The following AFF3 variants were observed in gnomAD, a reference collection of about 807,000 sequenced individuals.
The protein encoded by AFF3 is ALF transcription elongation factor 3.
In AFF3, 32 loss-of-function variants were observed where a neutral mutation model predicts 129.7. The ratio of observed to expected loss-of-function variants is 0.25; its 90% confidence interval spans 0.19 to 0.33. The LOEUF (loss-of-function observed/expected upper bound fraction) is 0.33, where lower values mean the gene tolerates loss of function less well. AFF3 is among the 10% of genes least tolerant of loss of function. The pLI is 1.00. For synonymous variants in AFF3, 644 were observed against 635.4 expected (o/e 1.01, Z -0.20); for missense variants, 1,373 against 1,592.0 (o/e 0.86, Z 2.34).
Position 99,946,473 on chromosome 2 carries a change from T to TAAAA in AFF3, c.873+60155_873+60158dup, listed in dbSNP as rs55672296. On this transcript the variant is annotated intron_variant, in intron 7 of 24. Transcript: ENST00000672756. ...TGGTTGACAGAGTGAGACGCCATCTTAAAAAAAAAAAAAAAAAAAAAAAAA... is the reference window on the plus strand; with the variant it reads ...TGGTTGACAGAGTGAGACGCCATCTTAAAAAAAAAAAAAAAAAAAAAAAAAAAAA... Among the ~76,000 whole-genome samples the TAAAA allele has an allele frequency of 8.9e-4, 45 of 50,492 alleles. 1 individual carries two copies. The highest frequency in any genetic ancestry group is 1.5e-3 in the Non-Finnish European group (40 of 26,834). 33.1% of individuals were successfully genotyped at this position (50,492 alleles called of 152,430 possible).
intron 7 of AFF3, among the ~76,000 whole-genome samples, chr2:99,934,576 C>T (rs1383843267): frequency 1.3e-5 from 2 of 152,150 alleles, no homozygotes; most frequent in African/African-American, 4.8e-5. Context: ...CCCACAAAAC[C>T]TCTAACTACA....
intron 4 of AFF3, among the ~76,000 whole-genome samples, chr2:100,069,282 A>G (rs544594546): frequency 4.6e-5 from 7 of 152,174 alleles, no homozygotes; most frequent in Non-Finnish European, 8.8e-5. Context: ...ACTTAACTCT[A>G]AAGATAATCA....
chr2:99,980,696 G>A (rs1490327053), intron 7 of AFF3, among the ~76,000 whole-genome samples: 2 of 152,168 alleles, frequency 1.3e-5, no homozygotes, highest in African/African-American at 2.4e-5. Context: ...TTCAGTCACT[G>A]TATTGTATTT....
chr2:100,021,350 C>A lies in AFF3; in HGVS notation c.54-12418G>T, dbSNP rs115219864. Among the ~76,000 whole-genome samples, 1,517 of 152,312 alleles carry A rather than the reference C, an allele frequency of 1.0e-2. 7 individuals carry two copies. The highest frequency in any genetic ancestry group is 0.014 in the Middle Eastern group (4 of 294). ...CGCAACCTGGTTCTCCTTTTACACACTGGCACAGAGTGGGCACTGAATAAA... is the reference window on the plus strand; with the variant it reads ...CGCAACCTGGTTCTCCTTTTACACAATGGCACAGAGTGGGCACTGAATAAA... On this transcript the variant is annotated intron_variant, in intron 4 of 24. Coordinates refer to ENST00000672756, the MANE Select transcript of AFF3 (RefSeq NM_001386135.1).
chr2:99,658,702 G>C (rs1685972397), intron 12 of AFF3, among the ~76,000 whole-genome samples: 1 of 152,186 alleles, frequency 6.6e-6, no homozygotes, highest in Non-Finnish European at 1.5e-5. Context: ...TGGTCTCAGA[G>C]CCAGTAAGTA....
At chr2:100,106,334 G>C (rs1330554147) in intron 2 of AFF3, 2 of 1,156,744 alleles carry the variant, frequency 1.7e-6, no homozygotes, top group Non-Finnish European at 1.1e-6. Flanking sequence ...GTAGCAAGTA[G>C]CAAGAAGATT....
intron 12 of AFF3, among the ~76,000 whole-genome samples, chr2:99,670,640 A>G (rs143869388): frequency 6.6e-6 from 1 of 152,154 alleles, no homozygotes; most frequent in African/African-American, 2.4e-5. Flanking sequence ...GTCTTGTTTA[A>G]AAGTATGGGA....
chr2:99,662,947 C>G (rs942183013), intron 12 of AFF3, among the ~76,000 whole-genome samples: 1 of 152,178 alleles, frequency 6.6e-6, no homozygotes, highest in South Asian at 2.1e-4. Context: ...CAGATTGACT[C>G]TGTGGGTAAT....
intron 13 of AFF3, among the ~76,000 whole-genome samples, chr2:99,617,963 T>G (rs964627542): frequency 1.3e-5 from 2 of 152,096 alleles, no homozygotes; most frequent in Admixed American, 6.6e-5. Flanking sequence ...AGTGAAACTT[T>G]CCCAACAAGT....
At chr2:99,804,211 A>C (rs1486385921) in intron 8 of AFF3, among the ~76,000 whole-genome samples, 1 of 152,244 alleles carries the variant, frequency 6.6e-6, no homozygotes, top group Non-Finnish European at 1.5e-5. Flanking sequence ...AATATCTAGA[A>C]TCTACAAACA....
intron 17 of AFF3, chr2:99,580,875 G>A (rs1340569490): frequency 6.6e-6 from 1 of 152,348 alleles, no homozygotes; most frequent in African/African-American, 2.4e-5. Context: ...TCCAGTCTGG[G>A]TGACAGAGCG....
At chr2:99,911,342 C>T (rs572818957) in intron 7 of AFF3, among the ~76,000 whole-genome samples, 25 of 151,046 alleles carry the variant, frequency 1.7e-4, no homozygotes, top group South Asian at 4.2e-4. Context: ...GGGCCGAGAT[C>T]GTGCCACTGC....
Position 99,551,564 on chromosome 2 carries a change from C to T in AFF3, c.3591G>A (p.Gly1197=), listed in dbSNP as rs527597484. The change falls in exon 25 of 25, where the codon GGG becomes GGA. Residue 1197 remains glycine (G), a synonymous_variant. Coordinates refer to ENST00000672756, the MANE Select transcript of AFF3 (RefSeq NM_001386135.1). The part of the protein sequence containing the change: ...EFFNDLDLLM[G]PVTLHSSMEH... The stretch of plus-strand genomic sequence containing the variant: ...CCATGCTGCTGTGCAGGGTGACCGG[C>T]CCCATGAGCAGATCCAGGTCGTTGA... The T allele has an allele frequency of 8.1e-6, 13 of 1,614,078 alleles. No homozygotes were observed. In the African/African-American group the frequency reaches 1.6e-4, roughly 20 times the overall value.
At chr2:100,014,315 A>G (rs1051902994) in intron 4 of AFF3, among the ~76,000 whole-genome samples, 25 of 152,206 alleles carry the variant, frequency 1.6e-4, no homozygotes, top group African/African-American at 6.0e-4. Flanking sequence ...CAAGGAGAAG[A>G]GAATGAACCA....
intron 7 of AFF3, among the ~76,000 whole-genome samples, chr2:99,887,304 G>A (rs1336846677): frequency 1.3e-5 from 2 of 152,166 alleles, no homozygotes; most frequent in African/African-American, 4.8e-5. Flanking sequence ...CTCACCATTT[G>A]TTTTTGGAAA....
At chr2:99,715,222 G>A (rs1357976608) in intron 11 of AFF3, among the ~76,000 whole-genome samples, 1 of 152,186 alleles carries the variant, frequency 6.6e-6, no homozygotes, top group East Asian at 1.9e-4. Context: ...CTAGCTTCAT[G>A]AGATCTTTTA....
At position 99,593,701 on chromosome 2, in the gene AFF3, C is replaced by T. The variant is rs763384973; in HGVS notation, c.1960G>A (p.Gly654Arg). Residue 654 changes from glycine to arginine, a missense_variant, in exon 15 of 25, where the codon GGG (glycine) becomes AGG (arginine). Gly to Arg is a moderately radical substitution (Grantham distance 125). This residue lies in a region of AFF3 where 466 missense variants were observed against 505.0 expected (regional missense o/e 0.92). Coordinates refer to ENST00000672756, the MANE Select transcript of AFF3 (RefSeq NM_001386135.1). ...SVTCEKRRTRGLSRIVPKSKE... is the reference protein window; with the variant it reads ...SVTCEKRRTRRLSRIVPKSKE... ...GATTTGGGGACGATCCTGCTTAGCC[C>T]CCGCGTGCGGCGCTTCTCGCAGGTC... 8 of 1,609,360 alleles carry T rather than the reference C, an allele frequency of 5.0e-6. No homozygotes were observed. The highest frequency in any genetic ancestry group is 3.3e-5 in the Admixed American group (2 of 59,726).
intron 11 of AFF3, among the ~76,000 whole-genome samples, chr2:99,689,314 G>A (rs1261893326): frequency 6.6e-6 from 1 of 152,076 alleles, no homozygotes; most frequent in Non-Finnish European, 1.5e-5. Context: ...TCCCAGCCCT[G>A]TAACTCAATA....
chr2:99,966,418 C>T (rs917356002), intron 7 of AFF3, among the ~76,000 whole-genome samples: 7 of 151,942 alleles, frequency 4.6e-5, no homozygotes, highest in Non-Finnish European at 1.0e-4. Flanking sequence ...AGGCCGGGCG[C>T]GGTGGCTCAC....
Sources: gnomAD v4.1 joint callset for allele counts (sites outside exome capture counted in the v4.1 genomes callset) on GRCh38, gnomAD v4.1.1 for gene constraint, gnomAD v4.1.1 regional missense constraint, MANE v1.5 for transcripts, NCBI Gene and HGNC (gene_info 2026-07-23, HGNC 2026-07-21) for gene names.